The following ARMH1 variants were observed in gnomAD, a reference collection of about 807,000 sequenced individuals.
The protein encoded by ARMH1 is armadillo like helical domain containing 1.
In ARMH1, 34 loss-of-function variants were observed where a neutral mutation model predicts 50.2. The ratio of observed to expected loss-of-function variants is 0.68; its 90% CI spans 0.51 to 0.90. The LOEUF (loss-of-function observed/expected upper bound fraction) is 0.90, where lower values mean the gene tolerates loss of function less well. ARMH1 is among the 40% of genes least tolerant of loss of function. The probability of loss-of-function intolerance (pLI) is 0.00; values close to 1 mark genes in which losing one functional copy is unlikely to be tolerated. For missense variants in ARMH1, 538 were observed against 553.9 expected (o/e 0.97, Z 0.29); for synonymous variants, 221 against 224.2 (o/e 0.99, Z 0.13).
chr1:44,719,242 T>TG (rs34763884), intron 6 of ARMH1, among the ~76,000 whole-genome samples: 107,154 of 151,894 alleles, frequency 0.71, 39,572 homozygotes, highest in East Asian at 0.98. Context: ...AAACTAGCTT[T>TG]TATAGGGCTT....
chr1:44,721,579 G>A (rs944658098), intron 6 of ARMH1, among the ~76,000 whole-genome samples: 1 of 152,010 alleles, frequency 6.6e-6, no homozygotes, highest in Non-Finnish European at 1.5e-5. Flanking sequence ...AAACATGACA[G>A]TAGGCCGGGC....
intron 5 of ARMH1, among the ~76,000 whole-genome samples, chr1:44,702,399 C>G (rs1646122710): frequency 6.6e-6 from 1 of 152,086 alleles, no homozygotes; most frequent in African/African-American, 2.4e-5. Context: ...TTTCCACATA[C>G]CACTCTGCCT....
chr1:44,724,184 G>T lies in ARMH1; in HGVS notation c.787G>T (p.Val263Leu), dbSNP rs547562733. ...GCGCCAGGCGCTGCTCAAGGGCCTC[G>T]TGGCGCTGCTGATACCGTCGGTCAA... ...DVRQALLKGL[V>L]ALLIPSVKEI... is the part of the protein sequence containing the mutation. Residue 263 changes from valine to leucine, a missense_variant, in exon 7 of 12, where the codon GTG becomes TTG. Val to Leu is a conservative substitution (Grantham distance 32, BLOSUM62 1). Transcript: ENST00000535358. This position sits in a 1 kb window ranked among gnomAD's most constrained non-coding sequence, Gnocchi z 6.4. 6.4e-7 allele frequency: 1 copy of T among 1,551,566 alleles called. No individual in the cohort carries two copies. Among genetic ancestry groups the T allele is most frequent in the African/African-American group, 1.4e-5 (1 of 73,044 alleles).
chr1:44,702,370 C>CTCTCCTACGTCCTTAT (rs1646121032), intron 5 of ARMH1, among the ~76,000 whole-genome samples: 1 of 152,124 alleles, frequency 6.6e-6, no homozygotes, highest in Non-Finnish European at 1.5e-5. Flanking sequence ...TAAATCCACC[C>CTCTCCTACGTCCTTAT]TCTCCTACGT....
rs1260656532 is a variant in ARMH1, at chr1:44,724,921, T to G, written c.1128+82T>G. ...ATGCCCCTTCAGACAGTCCCCATCC[T>G]GGAGCGCGCCACATGCAGAGTGGAC... is the stretch of plus-strand genomic sequence containing the variant. On this transcript the variant is annotated intron_variant, in intron 10 of 11. Transcript: ENST00000535358. This position sits in a 1 kb window ranked among gnomAD's most constrained non-coding sequence, Gnocchi z 6.4. 3 of 1,506,962 alleles carry G rather than the reference T, an allele frequency of 2.0e-6. No homozygotes were observed. The highest frequency in any genetic ancestry group is 2.7e-6 in the Non-Finnish European group (3 of 1,127,824). 93.3% of individuals were successfully genotyped at this position (1,506,962 alleles called of 1,614,324 possible).
At chr1:44,701,800 A>G (rs1012874698) in intron 5 of ARMH1, among the ~76,000 whole-genome samples, 1 of 151,982 alleles carries the variant, frequency 6.6e-6, no homozygotes, top group African/African-American at 2.4e-5. Flanking sequence ...ATGGTGGTGC[A>G]CACCTGTAAT....
chr1:44,713,373 A>G (rs1000735664), intron 6 of ARMH1, among the ~76,000 whole-genome samples: 2 of 152,054 alleles, frequency 1.3e-5, no homozygotes, highest in African/African-American at 2.4e-5. Flanking sequence ...TGCTGGGATT[A>G]CAGGTATGAG....
intron 6 of ARMH1, among the ~76,000 whole-genome samples, chr1:44,711,349 A>G (rs1485118735): frequency 6.6e-6 from 1 of 152,224 alleles, no homozygotes; most frequent in Admixed American, 6.5e-5. Context: ...CCACTTCCTC[A>G]CCAAACTTGT....
At chr1:44,677,289 G>C (rs1277725958) in intron 1 of ARMH1, among the ~76,000 whole-genome samples, 1 of 152,198 alleles carries the variant, frequency 6.6e-6, no homozygotes, top group African/African-American at 2.4e-5. Context: ...CAGTCTGCAA[G>C]GTTGTGTAAT....
chr1:44,703,962 G>A (rs1019668793), intron 5 of ARMH1, 127 bp from the exon 6 acceptor site: 5 of 646,930 alleles, frequency 7.7e-6, no homozygotes, highest in East Asian at 3.1e-5. Context: ...TCCTGACCTC[G>A]TGATCTGCCC....
chr1:44,713,209 G>A lies in ARMH1; in HGVS notation c.724+9036G>A, dbSNP rs142671893. ...CACCTCCTGGATTCAAGCAATTTTC[G>A]TGCCTCAGCCTCCCGAGTAGCTGGG... On this transcript the variant is annotated intron_variant, in intron 6 of 11. Transcript: ENST00000535358. 1.3e-4 allele frequency among the ~76,000 whole-genome samples: 19 copies of A among 146,428 alleles called. No homozygotes were observed. The East Asian group carries it at 3.5e-3, about 27-fold the overall frequency.
In ARMH1 at chr1:44,683,142, G is replaced by C. The variant is rs755839690; in HGVS notation, c.-22-6534G>C. On this transcript the variant is annotated intron_variant, in intron 1 of 11. Transcript: ENST00000535358. This position sits in a 1 kb window ranked among gnomAD's most constrained non-coding sequence, Gnocchi z 4.2. ...ATTGGCAGGAGCTGGCAACAGTTCAGATGAGGGCAAGGGAGAGGAATAAGT... is the reference window on the plus strand; with the variant it reads ...ATTGGCAGGAGCTGGCAACAGTTCACATGAGGGCAAGGGAGAGGAATAAGT... Among the ~76,000 whole-genome samples, 22 of 152,222 alleles carry C rather than the reference G, an allele frequency of 1.4e-4. 2 individuals carry two copies. The highest frequency in any genetic ancestry group is 7.2e-4 in the Admixed American group (11 of 15,284).
In ARMH1 at chr1:44,682,033, G is replaced by A. The variant is rs1557513216; in HGVS notation, c.-23+7160G>A. Among the ~76,000 whole-genome samples the A allele has an allele frequency of 6.6e-6, 1 of 152,166 alleles. No homozygotes were observed. The highest frequency in any genetic ancestry group is 2.4e-5 in the African/African-American group (1 of 41,420). ...CTGCCCTGCCAGTCTGTAAGCACCC[G>A]AGGGCAAGGTCTATGTTTGTCACGT... is the stretch of plus-strand genomic sequence containing the variant. On this transcript the variant is annotated intron_variant, in intron 1 of 11. Coordinates refer to ENST00000535358, the MANE Select transcript of ARMH1 (RefSeq NM_001145636.2). This position sits in a 1 kb window ranked among gnomAD's most constrained non-coding sequence, Gnocchi z 4.5.
chr1:44,695,637 GA>G (rs895180878), intron 2 of ARMH1, among the ~76,000 whole-genome samples: 11 of 151,606 alleles, frequency 7.3e-5, no homozygotes, highest in Non-Finnish European at 1.3e-4. Context: ...CAAAAAGGAA[GA>G]AAAAAACAAA....
rs553634382 is a variant in ARMH1, at chr1:44,681,043, G to A, written c.-23+6170G>A. Among the ~76,000 whole-genome samples the A allele has an allele frequency of 6.8e-6, 1 of 146,788 alleles. No individual in the cohort carries two copies. Among genetic ancestry groups the A allele is most frequent in the South Asian group, 2.1e-4 (1 of 4,660 alleles). ...GGAGTCTCGCTCTGTCACCCAGGCT[G>A]GAGTGTAGTGGCGTGATCTCGGCTC... On this transcript the variant is annotated intron_variant, in intron 1 of 11. Coordinates refer to ENST00000535358, the MANE Select transcript of ARMH1 (RefSeq NM_001145636.2). This position sits in a 1 kb window ranked among gnomAD's most constrained non-coding sequence, Gnocchi z 4.3.
intron 1 of ARMH1, 74 bp downstream of exon 1, chr1:44,674,947 C>CTGGA (rs113637216): frequency 0.032 from 4,815 of 151,044 alleles, 165 homozygotes; most frequent in Admixed American, 0.073. Context: ...GAGGCATATT[C>CTGGA]TGGATGGATG....
chr1:44,715,142 T>C (rs1179180349), intron 6 of ARMH1, among the ~76,000 whole-genome samples: 4 of 152,132 alleles, frequency 2.6e-5, no homozygotes, highest in East Asian at 1.9e-4. Flanking sequence ...GCACTTCTCA[T>C]ATGTGTCCAG....
intron 6 of ARMH1, among the ~76,000 whole-genome samples, chr1:44,722,601 G>A (rs1015763996): frequency 8.6e-5 from 13 of 150,456 alleles, no homozygotes; most frequent in African/African-American, 2.9e-4. Flanking sequence ...AAAATCAGCC[G>A]GGCGTGGTGG....
At chr1:44,722,162 C>T (rs898339706) in intron 6 of ARMH1, among the ~76,000 whole-genome samples, 20 of 152,180 alleles carry the variant, frequency 1.3e-4, no homozygotes, top group African/African-American at 4.3e-4. Flanking sequence ...TTCCTCTAAA[C>T]CCTCTCTCTC....
Sources: allele counts gnomAD v4.1 joint callset (sites outside exome capture counted in the v4.1 genomes callset), GRCh38; gene constraint gnomAD v4.1.1; non-coding constraint Gnocchi (gnomAD v3.1); transcripts MANE v1.5; gene names NCBI Gene and HGNC (gene_info 2026-07-23, HGNC 2026-07-21).